Variants in RASAL1 observed in about 807,000 individuals in gnomAD.
The protein encoded by RASAL1 is RAS protein activator like 1, also known as rasGAP-activating-like protein 1.
In RASAL1, 72 loss-of-function variants were observed where a neutral mutation model predicts 96.6. The ratio of observed to expected loss-of-function variants is 0.75; its 90% CI spans 0.62 to 0.91. The LOEUF is 0.91. RASAL1 is among the 40% of genes least tolerant of loss of function. The pLI, the probability that RASAL1 is intolerant of heterozygous loss-of-function variation, is 0.00. For synonymous variants in RASAL1, 405 were observed against 430.4 expected (o/e 0.94, Z 0.73); for missense variants, 1,016 against 1,072.5 (o/e 0.95, Z 0.74).
chr12:113,117,169 G>A lies in RASAL1; in HGVS notation c.643-8C>T, dbSNP rs774437375. ...CTTTGGAGAGAACTCCACCTTTTGA[G>A]AGAGACACACAGACCCTCAGCCGGG... On this transcript the variant is annotated splice_region_variant and splice_polypyrimidine_tract_variant and intron_variant, in intron 7 of 20. Transcript: ENST00000548055. 1 of 1,580,038 alleles carries A rather than the reference G, an allele frequency of 6.3e-7. No homozygotes were observed. The highest frequency in any genetic ancestry group is 1.7e-5 in the Admixed American group (1 of 58,900).
At chr12:113,136,436 T>G (rs867423013), upstream of RASAL1, among the ~76,000 whole-genome samples, 1 of 152,214 alleles carries the variant, frequency 6.6e-6, no homozygotes. Flanking sequence ...TCTCCAGATG[T>G]GCACTACACA....
chr12:113,102,416 G>A (rs1207413689), intron 18 of RASAL1, among the ~76,000 whole-genome samples: 1 of 152,038 alleles, frequency 6.6e-6, no homozygotes, highest in Admixed American at 6.5e-5. Flanking sequence ...AAATTAGCCA[G>A]GCGTGGTGGC....
intron 12 of RASAL1, 125 bp from the exon 13 acceptor site, chr12:113,112,403 C>A (rs1950903593): frequency 3.0e-6 from 2 of 662,508 alleles, no homozygotes; most frequent in Non-Finnish European, 4.3e-6. Flanking sequence ...TCCTTCCTGC[C>A]CCTTCCCACC....
At chr12:113,125,953 G>C (rs946091084) in intron 4 of RASAL1, among the ~76,000 whole-genome samples, 1 of 152,200 alleles carries the variant, frequency 6.6e-6, no homozygotes, top group Non-Finnish European at 1.5e-5. Flanking sequence ...TGAGACCACT[G>C]TTATAGGAAG....
chr12:113,102,289 G>A (rs1023527925), intron 18 of RASAL1, among the ~76,000 whole-genome samples: 2 of 152,174 alleles, frequency 1.3e-5, no homozygotes, highest in African/African-American at 4.8e-5. Flanking sequence ...CTGGAGCGGT[G>A]GCTCACGCCT....
chr12:113,108,351 A>C, intron 13 of RASAL1, 129 bp from the exon 14 acceptor site: 3 of 1,168,566 alleles, frequency 2.6e-6, no homozygotes, highest in Non-Finnish European at 3.5e-6. Flanking sequence ...AGGAAGCCAC[A>C]CCGGCTGGCC....
At position 113,119,256 on chromosome 12, in the gene RASAL1, T is replaced by C. The variant is rs1374960828; in HGVS notation, c.514A>G (p.Ile172Val). 2 of 1,612,902 alleles carry C rather than the reference T, an allele frequency of 1.2e-6. No individual in the cohort carries two copies. The highest frequency in any genetic ancestry group is 2.2e-5 in the South Asian group (2 of 91,036). ...WGSQSLETST[I>V]KKTRFPHWDE... Reference sequence around the variant, plus strand: ...CAGTGCGGGAAGCGAGTCTTCTTGATGGTCTGAGGGCGAAGGAAGTGGTCT... The same window carrying C: ...CAGTGCGGGAAGCGAGTCTTCTTGACGGTCTGAGGGCGAAGGAAGTGGTCT... The change falls in exon 7 of 21, where the codon ATC becomes GTC. Residue 172 changes from isoleucine (I) to valine (V), a missense_variant. Ile to Val is a conservative substitution (Grantham distance 29). Transcript: ENST00000548055.
rs779766676 is a variant in RASAL1, at chr12:113,100,648, G to C, written c.2258C>G (p.Thr753Arg). 5 of 1,610,320 alleles carry C rather than the reference G, an allele frequency of 3.1e-6. No homozygotes were observed. The South Asian group carries it at 5.5e-5, about 18-fold the overall frequency. The change falls in exon 20 of 21, where the codon ACA becomes AGA. Residue 753 changes from threonine (T) to arginine (R), a missense_variant. Transcript: ENST00000548055. The part of the protein sequence containing the change: ...LKLLEDSNMD[T>R]TLEADTGACP... ...CTTACCTGTGTCTGCCTCCAGAGTTGTATCCATGTTAGAATCCTCCAGTAA... is the reference window on the plus strand; with the variant it reads ...CTTACCTGTGTCTGCCTCCAGAGTTCTATCCATGTTAGAATCCTCCAGTAA...
chr12:113,134,855 T>G (rs893482171), intron 1 of RASAL1, among the ~76,000 whole-genome samples: 1 of 152,052 alleles, frequency 6.6e-6, no homozygotes, highest in East Asian at 1.9e-4. Context: ...GCCACAAGAC[T>G]GGGGAGCTCA....
chr12:113,112,818 G>A (rs1431368930), intron 12 of RASAL1, among the ~76,000 whole-genome samples: 1 of 152,118 alleles, frequency 6.6e-6, no homozygotes. Context: ...CCAGCGTGGT[G>A]GTGCACGCCT....
Position 113,099,751 on chromosome 12 carries a change from A to G in RASAL1, c.*178T>C. ...ACTCAGTGCAAGGCTGGCCCCTGCC[A>G]AAGGGCTTCCATGCCCTGAGTTCTG... On this transcript the variant is annotated 3_prime_UTR_variant, in exon 21 of 21. Transcript: ENST00000548055. 1 of 880,436 alleles carries G rather than the reference A, an allele frequency of 1.1e-6. No individual in the cohort carries two copies. The highest frequency in any genetic ancestry group is 1.7e-6 in the Non-Finnish European group (1 of 592,828). 54.5% of individuals were successfully genotyped at this position (880,436 alleles called of 1,614,324 possible).
chr12:113,112,331 C>T (rs1950899047), intron 12 of RASAL1, 53 bp from the exon 13 acceptor site: 17 of 1,231,714 alleles, frequency 1.4e-5, no homozygotes, highest in Non-Finnish European at 1.5e-5. Context: ...CTGCCTGCTC[C>T]AAACCCTCCA....
intron 13 of RASAL1, among the ~76,000 whole-genome samples, chr12:113,108,837 CT>C (rs56395319): frequency 0.71 from 86,047 of 121,184 alleles, 29,935 homozygotes; most frequent in Admixed American, 0.78. Context: ...TTTTTTCTTT[CT>C]TTTTTTTTTT....
At chr12:113,131,973 T>C (rs1483116576) in intron 1 of RASAL1, among the ~76,000 whole-genome samples, 4 of 147,288 alleles carry the variant, frequency 2.7e-5, no homozygotes, top group East Asian at 2.0e-4. Flanking sequence ...TTCTTCTTTT[T>C]TTTTTTTTTT....
Position 113,099,286 on chromosome 12 carries a change from CCCT to C in RASAL1, c.*640_*642del, listed in dbSNP as rs1950365025. 6.6e-6 allele frequency: 1 copy of C among 152,192 alleles called. No homozygotes were observed. The highest frequency in any genetic ancestry group is 1.5e-5 in the Non-Finnish European group (1 of 68,036). The allele number at this position is 152,192 out of a possible 1,614,324, so 9.4% of individuals were successfully genotyped here. A position where few individuals can be genotyped will look rare whatever the true frequency, so the allele number is the denominator to read the frequency against. On this transcript the variant is annotated 3_prime_UTR_variant, in exon 21 of 21. Coordinates refer to ENST00000548055, the MANE Select transcript of RASAL1 (RefSeq NM_001301202.2). ...TTTGAAAACCACACATCTAGACTTTCCCTCCTCTTTTTATACAGGGTAATCTGA... is the reference window on the plus strand; with the variant it reads ...TTTGAAAACCACACATCTAGACTTTCCCTCTTTTTATACAGGGTAATCTGA...
rs550437112 is a variant in RASAL1, at chr12:113,109,124, A to G, written c.1375-902T>C. 1.7e-3 allele frequency among the ~76,000 whole-genome samples: 260 copies of G among 148,856 alleles called. 1 individual carries two copies. The highest frequency in any genetic ancestry group is 5.9e-3 in the African/African-American group (237 of 40,338). ...TTGAACTCCTAATCTCAAGTGATCC[A>G]GCCGCCTCAGCCTCCCAAAGTCCTA... On this transcript the variant is annotated intron_variant, in intron 13 of 20. Transcript: ENST00000548055.
chr12:113,115,325 TCA>T lies in RASAL1; in HGVS notation c.1004-63_1004-62del. 1.4e-6 allele frequency: 2 copies of T among 1,441,872 alleles called. No homozygotes were observed. Among genetic ancestry groups the T allele is most frequent in the East Asian group, 2.3e-5 (1 of 44,042 alleles). The allele number at this position is 1,441,872 out of a possible 1,614,324, so 89.3% of individuals were successfully genotyped here. A position where few individuals can be genotyped will look rare whatever the true frequency, so the allele number is the denominator to read the frequency against. ...GGGAGCTGAACCCAGCTCACCCCAC[TCA>T]CCCAAGGTGGGAGTCATGATTCTTC... is the stretch of plus-strand genomic sequence containing the variant. On this transcript the variant is annotated intron_variant, in intron 10 of 20. Transcript: ENST00000548055. The surrounding 1 kb of genome is among the most constrained non-coding windows in gnomAD (Gnocchi z 4.1).
rs1240811303 is a variant in RASAL1 at position 113,115,388 on chromosome 12, C to A, written c.1004-124G>T. 1.9e-6 allele frequency: 2 copies of A among 1,078,894 alleles called. No individual in the cohort carries two copies. The highest frequency in any genetic ancestry group is 2.8e-6 in the Non-Finnish European group (2 of 705,500). The allele number at this position is 1,078,894 out of a possible 1,614,324, so 66.8% of individuals were successfully genotyped here. The stretch of plus-strand genomic sequence containing the variant: ...AATCAGGAAGACCCAAAACATCAAC[C>A]CCATTCACAGTACAGAGGCCCGGAG... On this transcript the variant is annotated intron_variant, in intron 10 of 20. Transcript: ENST00000548055. The surrounding 1 kb of genome is among the most constrained non-coding windows in gnomAD (Gnocchi z 4.1).
At chr12:113,117,257 AC>A in intron 7 of RASAL1, 96 bp from the exon 8 acceptor site, 1 of 884,852 alleles carries the variant, frequency 1.1e-6, no homozygotes, top group Non-Finnish European at 1.6e-6. Flanking sequence ...CAGACTGCCC[AC>A]CCACAGAGGG....
Sources: gnomAD v4.1 joint callset for allele counts (sites outside exome capture counted in the v4.1 genomes callset) on GRCh38, gnomAD v4.1.1 for gene constraint, Gnocchi (gnomAD v3.1) non-coding constraint, MANE v1.5 for transcripts, NCBI Gene and HGNC (gene_info 2026-07-23, HGNC 2026-07-21) for gene names.